TSHZ3: variants seen among roughly 807,000 people sequenced by gnomAD.
The protein encoded by TSHZ3 is teashirt zinc finger homeobox 3, also known as teashirt homolog 3.
TSHZ3 carries 10 observed loss-of-function variants against 64.5 expected under a neutral mutation model. The observed-to-expected ratio is 0.16, with a 90% CI of 0.10 to 0.26. The LOEUF (loss-of-function observed/expected upper bound fraction) is 0.26, where lower values mean the gene tolerates loss of function less well. Among genes scored for constraint, TSHZ3 ranks in the 10% least tolerant of loss-of-function variants. TSHZ3 has a pLI of 1.00. For missense variants in TSHZ3, 1,242 were observed against 1,421.7 expected, an observed-to-expected ratio of 0.87 and a Z score of 2.03; for synonymous variants, 608 against 593.1, an observed-to-expected ratio of 1.03 and a Z score of -0.36.
chr19:31,156,489 A>G (rs924110258), intron 5 of TSHZ3, among the ~76,000 whole-genome samples: 11 of 152,338 alleles, frequency 7.2e-5, no homozygotes, highest in African/African-American at 1.9e-4. Context: ...GGTCGGGAGC[A>G]GGAGCAGATA....
chr19:31,221,512 A>G (rs1975394633), intron 4 of TSHZ3, among the ~76,000 whole-genome samples: 1 of 151,926 alleles, frequency 6.6e-6, no homozygotes, highest in Admixed American at 6.6e-5. Context: ...CATCAGATAC[A>G]CTCCACATTC....
chr19:31,341,609 ACTCTCTCT>A (rs140397780), intron 1 of TSHZ3, among the ~76,000 whole-genome samples: 2 of 135,916 alleles, frequency 1.5e-5, no homozygotes, highest in Admixed American at 1.5e-4. Flanking sequence ...GCATGCACTC[ACTCTCTCT>A]CTCTCTCTCT....
At chr19:31,217,727 T>G (rs766472101) in intron 4 of TSHZ3, among the ~76,000 whole-genome samples, 10 of 152,200 alleles carry the variant, frequency 6.6e-5, no homozygotes, top group African/African-American at 9.6e-5. Context: ...GATCAATGCA[T>G]AATGGCATGT....
At chr19:31,337,991 C>G (rs766637495) in intron 1 of TSHZ3, among the ~76,000 whole-genome samples, 1 of 152,218 alleles carries the variant, frequency 6.6e-6, no homozygotes, top group African/African-American at 2.4e-5. Flanking sequence ...ATACAACAAG[C>G]CTTTGATTTC....
At chr19:31,293,939 G>A (rs550067181) in intron 1 of TSHZ3, among the ~76,000 whole-genome samples, 70 of 152,272 alleles carry the variant, frequency 4.6e-4, no homozygotes, top group African/African-American at 1.7e-3. Context: ...AACGGCTCTC[G>A]AATGCTGGGC....
chr19:31,219,945 A>G (rs927942391), intron 4 of TSHZ3, among the ~76,000 whole-genome samples: 4 of 151,974 alleles, frequency 2.6e-5, no homozygotes, highest in Admixed American at 6.6e-5. Context: ...GGAAAGATCA[A>G]TTGATCAATT....
At position 31,278,508 on chromosome 19, in the gene TSHZ3, G is replaced by A; in HGVS notation, c.1285C>T (p.Pro429Ser). ...MKKGKPIVET[P>S]VTPTITTLLD... is the part of the protein sequence containing the mutation. ...AGGGTTGTGATGGTAGGTGTGACAG[G>A]CGTCTCCACAATGGGCTTCCCCTTT... is the stretch of plus-strand genomic sequence containing the variant. Residue 429 changes from proline to serine, a missense_variant, in exon 2 of 2, where the codon CCT becomes TCT. Pro to Ser is a moderately conservative substitution (Grantham distance 74). Coordinates refer to ENST00000240587, the MANE Select transcript of TSHZ3 (RefSeq NM_020856.4). The surrounding 1 kb of genome is among the most constrained non-coding windows in gnomAD (Gnocchi z 4.7). 1 of 1,614,150 alleles carries A rather than the reference G, an allele frequency of 6.2e-7. No homozygotes were observed. Among genetic ancestry groups the A allele is most frequent in the Non-Finnish European group, 8.5e-7 (1 of 1,180,032 alleles).
intron 5 of TSHZ3, among the ~76,000 whole-genome samples, chr19:31,163,203 G>T (rs537816310): frequency 6.6e-6 from 1 of 152,304 alleles, no homozygotes; most frequent in East Asian, 1.9e-4. Context: ...AAATATGGGT[G>T]CACATGTTTA....
chr19:31,350,814 G>T (rs905249305), upstream of TSHZ3, among the ~76,000 whole-genome samples: 2 of 147,862 alleles, frequency 1.4e-5, no homozygotes, highest in African/African-American at 2.4e-5. Context: ...CGGCGCGGGC[G>T]GCGGCGCATC....
intron 1 of TSHZ3, among the ~76,000 whole-genome samples, chr19:31,330,925 C>T (rs542955173): frequency 5.3e-5 from 8 of 152,246 alleles, no homozygotes; most frequent in African/African-American, 1.7e-4. Flanking sequence ...CCCCCACAGG[C>T]ACGGGCATGT....
chr19:31,176,261 G>A (rs1974605316), intron 5 of TSHZ3, among the ~76,000 whole-genome samples: 1 of 152,184 alleles, frequency 6.6e-6, no homozygotes, highest in African/African-American at 2.4e-5. Context: ...AAGGAGGTGA[G>A]AGGCTGTGTA....
intron 5 of TSHZ3, among the ~76,000 whole-genome samples, chr19:31,185,709 G>T (rs1001012522): frequency 6.6e-6 from 1 of 152,176 alleles, no homozygotes; most frequent in Non-Finnish European, 1.5e-5. Context: ...AGACACATAA[G>T]TGTAGAGACA....
chr19:31,344,377 C>T (rs1917523308), intron 1 of TSHZ3, among the ~76,000 whole-genome samples: 2 of 152,170 alleles, frequency 1.3e-5, no homozygotes, highest in African/African-American at 4.8e-5. Flanking sequence ...ACACACACAC[C>T]CTACTTTATT....
At chr19:31,171,161 A>G (rs1974529574) in intron 5 of TSHZ3, among the ~76,000 whole-genome samples, 2 of 152,196 alleles carry the variant, frequency 1.3e-5, no homozygotes, top group Non-Finnish European at 2.9e-5. Flanking sequence ...GAGAGATGCC[A>G]GTACCCCGCT....
intron 1 of TSHZ3, among the ~76,000 whole-genome samples, chr19:31,243,525 G>A (rs763711564): frequency 1.6e-4 from 25 of 152,262 alleles, no homozygotes; most frequent in African/African-American, 5.8e-4. Flanking sequence ...GAACTTTCCC[G>A]TGTCAGAGGG....
At chr19:31,259,822 C>G (rs1975961998) in intron 1 of TSHZ3, among the ~76,000 whole-genome samples, 2 of 152,102 alleles carry the variant, frequency 1.3e-5, no homozygotes, top group Admixed American at 1.3e-4. Flanking sequence ...CCTCTAAGAA[C>G]CCTCAAATCA....
intron 1 of TSHZ3, among the ~76,000 whole-genome samples, chr19:31,306,239 C>T (rs1468741304): frequency 2.0e-5 from 3 of 152,140 alleles, no homozygotes; most frequent in South Asian, 2.1e-4. Flanking sequence ...GGTGACGCGG[C>T]GGGCTGGGCT....
intron 5 of TSHZ3, among the ~76,000 whole-genome samples, chr19:31,187,622 G>A (rs1389419219): frequency 6.6e-6 from 1 of 152,016 alleles, no homozygotes; most frequent in African/African-American, 2.4e-5. Context: ...TGCATTTAGT[G>A]TTAGGTAGGG....
intron 3 of TSHZ3, among the ~76,000 whole-genome samples, chr19:31,234,998 A>G (rs1975586769): frequency 6.6e-6 from 1 of 152,158 alleles, no homozygotes; most frequent in Non-Finnish European, 1.5e-5. Context: ...AATTTCTTGT[A>G]TGGGAAGTTT....
Sources: gnomAD v4.1 joint callset for allele counts (sites outside exome capture counted in the v4.1 genomes callset) on GRCh38, gnomAD v4.1.1 for gene constraint, Gnocchi (gnomAD v3.1) non-coding constraint, MANE v1.5 for transcripts, NCBI Gene and HGNC (gene_info 2026-07-23, HGNC 2026-07-21) for gene names.